The following AGMO variants were observed in gnomAD, a reference collection of about 807,000 sequenced individuals.
The protein encoded by AGMO is glyceryl-ether monooxygenase.
A neutral mutation model predicts 60.2 loss-of-function variants in AGMO; 75 were observed. The ratio of observed to expected loss-of-function variants is 1.25; its 90% CI spans 1.03 to 1.51. The LOEUF is 1.51. Among genes scored for constraint, AGMO ranks in the 40% most tolerant of loss-of-function variants. The pLI, the probability that AGMO is intolerant of heterozygous loss-of-function variation, is 0.00. For missense variants in AGMO, 763 were observed against 525.5 expected, an observed-to-expected ratio of 1.45 and a Z score of -4.42; for synonymous variants, 261 against 177.1, an observed-to-expected ratio of 1.47 and a Z score of -3.76.
intron 12 of AGMO, among the ~76,000 whole-genome samples, chr7:15,359,596 T>G (rs1211617537): frequency 6.6e-6 from 1 of 152,154 alleles, no homozygotes; most frequent in Non-Finnish European, 1.5e-5. Context: ...AGGTAATCTT[T>G]CATACAACTC....
chr7:15,541,153 G>A (rs181217149), intron 3 of AGMO, among the ~76,000 whole-genome samples: 7 of 151,948 alleles, frequency 4.6e-5, no homozygotes, highest in Admixed American at 6.6e-5. Context: ...ACGGGGTCTC[G>A]CTCTGTCACC....
chr7:15,360,337 C>T (rs1239639982), intron 12 of AGMO, among the ~76,000 whole-genome samples: 9 of 152,094 alleles, frequency 5.9e-5, no homozygotes, highest in Admixed American at 2.0e-4. Context: ...ACCCCCCGTG[C>T]GGTCAAAAAT....
chr7:15,473,201 G>C (rs770599678), intron 3 of AGMO, among the ~76,000 whole-genome samples: 1 of 151,968 alleles, frequency 6.6e-6, no homozygotes, highest in Non-Finnish European at 1.5e-5. Flanking sequence ...TAACCAGGAA[G>C]AAGTGGAATT....
At chr7:15,418,503 A>T (rs1393295992) in intron 5 of AGMO, 55 bp downstream of exon 5, 1 of 1,085,238 alleles carries the variant, frequency 9.2e-7, no homozygotes, top group Admixed American at 2.1e-5. Context: ...GATTTCCAGG[A>T]CATTGCTTCA....
chr7:15,280,902 A>G (rs1783946313), intron 12 of AGMO, among the ~76,000 whole-genome samples: 1 of 152,206 alleles, frequency 6.6e-6, no homozygotes, highest in Non-Finnish European at 1.5e-5. Flanking sequence ...TAGAGTCTAC[A>G]TCACTCTCCT....
intron 8 of AGMO, among the ~76,000 whole-genome samples, chr7:15,389,051 A>G (rs6974532): frequency 0.051 from 7,787 of 152,186 alleles, 326 homozygotes; most frequent in African/African-American, 0.11. Context: ...TGTATTTAAT[A>G]TTCACTTTCT....
At chr7:15,238,321 G>A (rs776638043) in intron 12 of AGMO, among the ~76,000 whole-genome samples, 9 of 151,830 alleles carry the variant, frequency 5.9e-5, no homozygotes, top group Non-Finnish European at 1.3e-4. Context: ...CAGTTAAACA[G>A]AAGGAATAAG....
chr7:15,550,309 C>G (rs938325523), intron 2 of AGMO, among the ~76,000 whole-genome samples: 42 of 152,050 alleles, frequency 2.8e-4, no homozygotes, highest in African/African-American at 9.4e-4. Context: ...CAAGAAATAA[C>G]TAAAATCAGA....
chr7:15,522,690 T>A lies in AGMO; in HGVS notation c.409+22082A>T, dbSNP rs192766130. 3.6e-3 allele frequency among the ~76,000 whole-genome samples: 541 copies of A among 152,220 alleles called. 4 individuals are homozygous for A. The highest frequency in any genetic ancestry group is 0.012 in the African/African-American group (507 of 41,514). On this transcript the variant is annotated intron_variant, in intron 3 of 12. Transcript: ENST00000342526. Reference sequence around the variant, plus strand: ...CCCTTCCTTACACCTTATACAAAAATTAACTCGAGATTTATTAAAGATTTA... The same window carrying A: ...CCCTTCCTTACACCTTATACAAAAAATAACTCGAGATTTATTAAAGATTTA...
At chr7:15,397,676 A>G (rs1227607525) in intron 5 of AGMO, among the ~76,000 whole-genome samples, 3 of 152,032 alleles carry the variant, frequency 2.0e-5, no homozygotes, top group Non-Finnish European at 4.4e-5. Flanking sequence ...ACTATTTTTA[A>G]AGTTATTTCC....
At chr7:15,235,044 A>G (rs962940950) in intron 12 of AGMO, among the ~76,000 whole-genome samples, 2 of 151,850 alleles carry the variant, frequency 1.3e-5, no homozygotes, top group East Asian at 1.9e-4. Flanking sequence ...TTTGCTGAAA[A>G]CTTCATCTGC....
chr7:15,207,880 G>C (rs1781482392), intron 12 of AGMO, among the ~76,000 whole-genome samples: 1 of 152,212 alleles, frequency 6.6e-6, no homozygotes, highest in Admixed American at 6.5e-5. Context: ...CTTGCAGTGA[G>C]CCGAGATGGT....
intron 5 of AGMO, among the ~76,000 whole-genome samples, chr7:15,398,778 T>C (rs776722382): frequency 2.0e-5 from 3 of 152,132 alleles, no homozygotes; most frequent in Non-Finnish European, 2.9e-5. Flanking sequence ...AGGGCTTCAA[T>C]ATAACATAGT....
At chr7:15,220,828 CTGTCCCCTGAAATTAATCTAATTA>C (rs1583302532) in intron 12 of AGMO, among the ~76,000 whole-genome samples, 1 of 152,094 alleles carries the variant, frequency 6.6e-6, no homozygotes, top group South Asian at 2.1e-4. Flanking sequence ...ATCTAAAAAT[CTGTCCCCTGAAATTAATCTAATTA>C]TGTCCCCTGA....
chr7:15,172,389 G>A, the AGMO span, among the ~76,000 whole-genome samples: 2 of 152,106 alleles, frequency 1.3e-5, no homozygotes, highest in African/African-American at 4.8e-5. Context: ...GTTGAAGATG[G>A]TACTTAGTTA....
chr7:15,271,587 A>C lies in AGMO; in HGVS notation c.1264-70228T>G, dbSNP rs146629726. On this transcript the variant is annotated intron_variant, in intron 12 of 12. Coordinates refer to ENST00000342526, the MANE Select transcript of AGMO (RefSeq NM_001004320.2). Reference sequence around the variant, plus strand: ...TCTGAAGGAATATTTGGGGTTTTCTAGGTATACAACTATTTCATGAAGGAA... The same window carrying C: ...TCTGAAGGAATATTTGGGGTTTTCTCGGTATACAACTATTTCATGAAGGAA... 5.2e-3 allele frequency among the ~76,000 whole-genome samples: 795 copies of C among 152,260 alleles called. 5 individuals carry two copies. Among genetic ancestry groups the C allele is most frequent in the Non-Finnish European group, 8.8e-3 (599 of 67,994 alleles).
chr7:15,338,109 A>C lies in AGMO; in HGVS notation c.1263+27405T>G, dbSNP rs146972966. On this transcript the variant is annotated intron_variant, in intron 12 of 12. Coordinates refer to ENST00000342526, the MANE Select transcript of AGMO (RefSeq NM_001004320.2). ...TGTAATTAATTTTTAGCATCTAGAAACTCCTGAATATGTATATTTTATGTT... is the reference window on the plus strand; with the variant it reads ...TGTAATTAATTTTTAGCATCTAGAACCTCCTGAATATGTATATTTTATGTT... Among the ~76,000 whole-genome samples the C allele has an allele frequency of 1.8e-4, 27 of 152,084 alleles. No homozygotes were observed. In the East Asian group the frequency reaches 5.0e-3, roughly 28 times the overall value.
the AGMO span, among the ~76,000 whole-genome samples, chr7:15,132,172 C>G: frequency 1.3e-5 from 2 of 152,098 alleles, no homozygotes; most frequent in African/African-American, 2.4e-5. Context: ...TACAAGAAGA[C>G]AACTCTGGTG....
intron 12 of AGMO, among the ~76,000 whole-genome samples, chr7:15,352,248 A>G (rs1782267910): frequency 6.6e-6 from 1 of 152,140 alleles, no homozygotes; most frequent in East Asian, 1.9e-4. Context: ...TTCACTTTCA[A>G]AGGCATATAA....
Sources: allele counts gnomAD v4.1 joint callset (sites outside exome capture counted in the v4.1 genomes callset), GRCh38; gene constraint gnomAD v4.1.1; transcripts MANE v1.5; gene names NCBI Gene and HGNC (gene_info 2026-07-23, HGNC 2026-07-21).